The following WDTC1 variants were observed in gnomAD, a reference collection of about 807,000 sequenced individuals.
WDTC1 encodes WD and tetratricopeptide repeats protein 1.
A neutral mutation model predicts 76.0 loss-of-function variants in WDTC1; 12 were observed. The observed-to-expected ratio is 0.16, with a 90% CI of 0.10 to 0.26. The LOEUF is 0.26. Among genes scored for constraint, WDTC1 ranks in the 10% least tolerant of loss-of-function variants. The probability of loss-of-function intolerance (pLI) is 1.00; values close to 1 mark genes in which losing one functional copy is unlikely to be tolerated. For missense variants in WDTC1, 511 were observed against 908.8 expected, an observed-to-expected ratio of 0.56 and a Z score of 5.63; for synonymous variants, 326 against 350.8, an observed-to-expected ratio of 0.93 and a Z score of 0.79.
intron 14 of WDTC1, chr1:27,304,007 C>T: frequency 1.7e-6 from 1 of 584,006 alleles, no homozygotes; most frequent in South Asian, 2.4e-5. Context: ...ATAACAAGGA[C>T]TAATAAGATA....
chr1:27,306,224 G>A lies in WDTC1; in HGVS notation c.1875G>A (p.Glu625=), dbSNP rs368135193. ...CAGGCCGAGTCGTGGAAGATATGGA[G>A]GGTGCTTCACAGGCCAACCAGCGGC... is the stretch of plus-strand genomic sequence containing the variant. ...DLTGRVVEDM[E]GASQANQRRM... Residue 625 remains glutamate (E), a synonymous_variant, in exon 16 of 16, where the codon GAG becomes GAA. Coordinates refer to ENST00000319394, the MANE Select transcript of WDTC1 (RefSeq NM_001276252.2). This position sits in a 1 kb window ranked among gnomAD's most constrained non-coding sequence, Gnocchi z 5.0. The A allele has an allele frequency of 1.9e-6, 3 of 1,614,172 alleles. No homozygotes were observed. The highest frequency in any genetic ancestry group is 2.5e-6 in the Non-Finnish European group (3 of 1,180,028).
chr1:27,281,379 A>T (rs2013185249), intron 3 of WDTC1, among the ~76,000 whole-genome samples: 1 of 149,902 alleles, frequency 6.7e-6, no homozygotes, highest in Admixed American at 6.7e-5. Context: ...GCATGAACCC[A>T]GGAGGCGGAG....
At chr1:27,283,194 C>T in intron 4 of WDTC1, 144 bp from the exon 5 acceptor site, 1 of 641,286 alleles carries the variant, frequency 1.6e-6, no homozygotes, top group Non-Finnish European at 2.7e-6. Context: ...AGAGAATCAG[C>T]TGTTTACAAG....
intron 1 of WDTC1, among the ~76,000 whole-genome samples, chr1:27,248,158 G>T (rs2011914847): frequency 6.6e-6 from 1 of 152,168 alleles, no homozygotes; most frequent in Non-Finnish European, 1.5e-5. Flanking sequence ...ATTCCTTTGG[G>T]TATATACCCA....
chr1:27,269,604 TTG>T lies in WDTC1; in HGVS notation c.132+6371_132+6372del, dbSNP rs1491141219. 9.5e-3 allele frequency among the ~76,000 whole-genome samples: 1,038 copies of T among 108,728 alleles called. 15 individuals are homozygous for T. Among genetic ancestry groups the T allele is most frequent in the African/African-American group, 0.029 (969 of 33,070 alleles). The allele number at this position is 108,728 out of a possible 152,430, so 71.3% of individuals were successfully genotyped here. ...ACATGATCAGATTTTTTTTTGTTTT[TTG>T]TTTTTTTTTTTTCGGTTTTTTTTTT... On this transcript the variant is annotated intron_variant, in intron 3 of 15. Coordinates refer to ENST00000319394, the MANE Select transcript of WDTC1 (RefSeq NM_001276252.2).
chr1:27,279,907 C>G (rs2013142477), intron 3 of WDTC1, among the ~76,000 whole-genome samples: 1 of 152,194 alleles, frequency 6.6e-6, no homozygotes, highest in African/African-American at 2.4e-5. Flanking sequence ...ATGGAAAAGA[C>G]ATATTTGGAT....
At chr1:27,265,096 G>T (rs1427997442) in intron 3 of WDTC1, among the ~76,000 whole-genome samples, 1 of 152,062 alleles carries the variant, frequency 6.6e-6, no homozygotes. Context: ...GAGCTACTGT[G>T]CCTAGCCCAC....
At chr1:27,304,932 A>C in intron 14 of WDTC1, 69 bp from the exon 15 acceptor site, 1 of 1,456,878 alleles carries the variant, frequency 6.9e-7, no homozygotes, top group Non-Finnish European at 9.3e-7. Flanking sequence ...TACCTAGGCC[A>C]TGCAGCCTCT....
intron 1 of WDTC1, 134 bp from the exon 2 acceptor site, chr1:27,260,822 G>T (rs1001006838): frequency 6.9e-6 from 4 of 579,688 alleles, no homozygotes; most frequent in South Asian, 4.5e-5. Context: ...ACACTATGGA[G>T]CAGGGCCAGC....
chr1:27,244,299 C>T (rs1212639612), intron 1 of WDTC1, among the ~76,000 whole-genome samples: 1 of 152,052 alleles, frequency 6.6e-6, no homozygotes, highest in Non-Finnish European at 1.5e-5. Flanking sequence ...TCCACAGCTA[C>T]ACTCTTCATT....
Position 27,258,041 on chromosome 1 carries a change from G to T in WDTC1, c.-99-2915G>T, listed in dbSNP as rs879727162. 9.3e-5 allele frequency among the ~76,000 whole-genome samples: 14 copies of T among 151,304 alleles called. 1 individual carries two copies. Among genetic ancestry groups the T allele is most frequent in the Admixed American group, 9.2e-4 (14 of 15,186 alleles). On this transcript the variant is annotated intron_variant, in intron 1 of 15. Transcript: ENST00000319394. ...CCTGACCTCGTGATCCGCCCGCCTCGGCCTCCCAAAGTGCTGAGATTAAGG... is the reference window on the plus strand; with the variant it reads ...CCTGACCTCGTGATCCGCCCGCCTCTGCCTCCCAAAGTGCTGAGATTAAGG...
chr1:27,293,215 G>A (rs1454670972), intron 7 of WDTC1, among the ~76,000 whole-genome samples: 4 of 151,002 alleles, frequency 2.6e-5, no homozygotes, highest in South Asian at 4.2e-4. Flanking sequence ...GGCGGATCAC[G>A]AGGTCAGGAG....
chr1:27,271,462 G>A (rs1315477768), intron 3 of WDTC1, among the ~76,000 whole-genome samples: 1 of 151,996 alleles, frequency 6.6e-6, no homozygotes, highest in Non-Finnish European at 1.5e-5. Flanking sequence ...TGACCTGCCT[G>A]CCACAGCCTC....
At chr1:27,263,445 A>AT (rs200848761) in intron 3 of WDTC1, among the ~76,000 whole-genome samples, 4 of 151,934 alleles carry the variant, frequency 2.6e-5, no homozygotes, top group Non-Finnish European at 5.9e-5. Context: ...ATTTTATTTT[A>AT]TTTTTTGAGA....
At chr1:27,240,119 G>A (rs1363411465) in intron 1 of WDTC1, among the ~76,000 whole-genome samples, 1 of 152,026 alleles carries the variant, frequency 6.6e-6, no homozygotes, top group Non-Finnish European at 1.5e-5. Context: ...TCGAATTCCT[G>A]ACCTCAGGTG....
At position 27,308,133 on chromosome 1, in the gene WDTC1, G is replaced by A. The variant is rs2014001648; in HGVS notation, c.*1750G>A. 6.6e-6 allele frequency: 1 copy of A among 151,852 alleles called. No homozygotes were observed. Among genetic ancestry groups the A allele is most frequent in the South Asian group, 2.1e-4 (1 of 4,782 alleles). The allele number at this position is 151,852 out of a possible 1,614,324, so 9.4% of individuals were successfully genotyped here. A position where few individuals can be genotyped will look rare whatever the true frequency, so the allele number is the denominator to read the frequency against. On this transcript the variant is annotated 3_prime_UTR_variant, in exon 16 of 16. Coordinates refer to ENST00000319394, the MANE Select transcript of WDTC1 (RefSeq NM_001276252.2). Reference sequence around the variant, plus strand: ...CTGCCCAGCCTGGGCCCTGCAGTGTGGAGAGACACATAAGCCTTACTGTCC... The same window carrying A: ...CTGCCCAGCCTGGGCCCTGCAGTGTAGAGAGACACATAAGCCTTACTGTCC...
At chr1:27,299,129 TAA>T (rs1283271860) in intron 12 of WDTC1, among the ~76,000 whole-genome samples, 1 of 152,162 alleles carries the variant, frequency 6.6e-6, no homozygotes, top group Non-Finnish European at 1.5e-5. Context: ...GGCTGTAGGC[TAA>T]GAGCTCAGCT....
In WDTC1 at chr1:27,263,242, G is replaced by T. The variant is rs201889881; in HGVS notation, c.132+7G>T. 1.4e-3 allele frequency: 2,296 copies of T among 1,612,350 alleles called. 3 individuals are homozygous for T. Among genetic ancestry groups the T allele is most frequent in the Non-Finnish European group, 1.6e-3 (1,885 of 1,179,566 alleles). On this transcript the variant is annotated splice_region_variant and intron_variant, in intron 3 of 15. Transcript: ENST00000319394. ...CCTGGAAGCAGAGCTGCAGGTAAGA[G>T]ATCCAGTTTGCACCTTAGATGCAGA...
chr1:27,248,548 C>T (rs1360462909), intron 1 of WDTC1, among the ~76,000 whole-genome samples: 2 of 150,906 alleles, frequency 1.3e-5, no homozygotes, highest in African/African-American at 5.0e-5. Flanking sequence ...GGATATTAGA[C>T]CTTTGTCAGA....
Sources: gnomAD v4.1 joint callset for allele counts (sites outside exome capture counted in the v4.1 genomes callset) on GRCh38, gnomAD v4.1.1 for gene constraint, Gnocchi (gnomAD v3.1) non-coding constraint, MANE v1.5 for transcripts, NCBI Gene and HGNC (gene_info 2026-07-23, HGNC 2026-07-21) for gene names.